The following ZDHHC14 variants were observed in gnomAD, a reference collection of about 807,000 sequenced individuals.
ZDHHC14 encodes zDHHC palmitoyltransferase 14.
Under a neutral mutation model 47.7 loss-of-function variants are expected in ZDHHC14, and 16 were observed. The observed-to-expected ratio is 0.34, with a 90% CI of 0.23 to 0.51. The LOEUF is 0.51. Ranked by LOEUF, ZDHHC14 falls within the 20% of genes least tolerant of loss-of-function variation. The pLI, the probability that ZDHHC14 is intolerant of heterozygous loss-of-function variation, is 0.97. For synonymous variants in ZDHHC14, 293 were observed against 278.9 expected, an observed-to-expected ratio of 1.05 and a Z score of -0.50; for missense variants, 515 against 662.5, an observed-to-expected ratio of 0.78 and a Z score of 2.44.
intron 1 of ZDHHC14, among the ~76,000 whole-genome samples, chr6:157,401,552 C>T (rs190861624): frequency 2.0e-5 from 3 of 150,798 alleles, no homozygotes; most frequent in African/African-American, 2.4e-5. Flanking sequence ...GAGATGCGCT[C>T]CTGCTGAGGT....
rs1777873214 is a variant in ZDHHC14, at chr6:157,411,726, G to A, written c.245+29460G>A. On this transcript the variant is annotated intron_variant, in intron 1 of 8. Transcript: ENST00000359775. ...TTATTTCAAAATAAAATGCTAAAAAGGACTTTCCTTCCTGCATGTTCATGG... is the reference window on the plus strand; with the variant it reads ...TTATTTCAAAATAAAATGCTAAAAAAGACTTTCCTTCCTGCATGTTCATGG... Among the ~76,000 whole-genome samples, 4 of 147,186 alleles carry A rather than the reference G, an allele frequency of 2.7e-5. No individual in the cohort carries two copies. The South Asian group carries it at 8.6e-4, about 32-fold the overall frequency.
At chr6:157,542,453 T>C in intron 1 of ZDHHC14, 132 bp from the exon 2 acceptor site, 1 of 1,295,320 alleles carries the variant, frequency 7.7e-7, no homozygotes, top group Non-Finnish European at 1.0e-6. Flanking sequence ...GATGAATTTT[T>C]AATGGAAATC....
At chr6:157,548,535 C>G (rs1782083203) in intron 2 of ZDHHC14, among the ~76,000 whole-genome samples, 1 of 152,224 alleles carries the variant, frequency 6.6e-6, no homozygotes. Context: ...CAACCTCTGC[C>G]TCCCGGGTTC....
chr6:157,640,450 ACAC>A (rs772402040), intron 5 of ZDHHC14, among the ~76,000 whole-genome samples: 3 of 152,176 alleles, frequency 2.0e-5, no homozygotes, highest in Admixed American at 1.3e-4. Context: ...CACAGAAAGG[ACAC>A]CACAACGGGA....
At chr6:157,573,971 G>A (rs754787795) in intron 2 of ZDHHC14, among the ~76,000 whole-genome samples, 11 of 151,638 alleles carry the variant, frequency 7.3e-5, no homozygotes, top group Admixed American at 7.2e-4. Flanking sequence ...CGGGGGGGAA[G>A]TTCTTTGCTC....
chr6:157,536,240 T>A (rs1235125144), intron 1 of ZDHHC14, among the ~76,000 whole-genome samples: 1 of 152,242 alleles, frequency 6.6e-6, no homozygotes, highest in Non-Finnish European at 1.5e-5. Flanking sequence ...TAATAATAAA[T>A]GTATGCCTCG....
At chr6:157,613,459 AG>A (rs1218375876) in intron 3 of ZDHHC14, among the ~76,000 whole-genome samples, 3 of 152,224 alleles carry the variant, frequency 2.0e-5, no homozygotes, top group Non-Finnish European at 2.9e-5. Flanking sequence ...TAATTAGAGT[AG>A]CTCCTTCTGA....
intron 3 of ZDHHC14, among the ~76,000 whole-genome samples, chr6:157,622,216 C>CAAAAAAA (rs35681787): frequency 4.4e-4 from 41 of 93,880 alleles, no homozygotes; most frequent in African/African-American, 1.1e-3. Context: ...ACTAAAAATA[C>CAAAAAAA]AAAAAAAAAA....
In ZDHHC14 at chr6:157,463,497, C is replaced by T. The variant is rs139542658; in HGVS notation, c.246-79088C>T. Among the ~76,000 whole-genome samples, 305 of 152,230 alleles carry T rather than the reference C, an allele frequency of 2.0e-3. 5 individuals are homozygous for T. The highest frequency in any genetic ancestry group is 6.9e-3 in the African/African-American group (288 of 41,534). ...CATAGCAGTGCTGTGCTCTCTATCACCCCCAACTCTTCACCAGAGGGGTTG... is the reference window on the plus strand; with the variant it reads ...CATAGCAGTGCTGTGCTCTCTATCATCCCCAACTCTTCACCAGAGGGGTTG... On this transcript the variant is annotated intron_variant, in intron 1 of 8. Transcript: ENST00000359775. This position sits in a 1 kb window ranked among gnomAD's most constrained non-coding sequence, Gnocchi z 4.4.
At chr6:157,451,493 A>G (rs1480040189) in intron 1 of ZDHHC14, among the ~76,000 whole-genome samples, 3 of 152,270 alleles carry the variant, frequency 2.0e-5, no homozygotes, top group Admixed American at 1.3e-4. Flanking sequence ...TTATTTATTC[A>G]GTAACCATCC....
intron 1 of ZDHHC14, among the ~76,000 whole-genome samples, chr6:157,530,777 G>T (rs562007704): frequency 1.3e-5 from 2 of 152,070 alleles, no homozygotes; most frequent in Non-Finnish European, 2.9e-5. Context: ...TAGTGAGTTT[G>T]TGGGTGAAAT....
At chr6:157,567,537 C>T (rs1228888151) in intron 2 of ZDHHC14, among the ~76,000 whole-genome samples, 4 of 152,226 alleles carry the variant, frequency 2.6e-5, no homozygotes, top group African/African-American at 2.4e-5. Flanking sequence ...TTGAACCCGC[C>T]GGGCGCCGTG....
At chr6:157,455,682 C>T (rs144849375) in intron 1 of ZDHHC14, among the ~76,000 whole-genome samples, 74 of 151,560 alleles carry the variant, frequency 4.9e-4, no homozygotes, top group Middle Eastern at 3.4e-3. Context: ...CGGCAGGAAC[C>T]GGGCCATTTC....
rs148195327 is a variant in ZDHHC14, at chr6:157,530,888, C to T, written c.246-11697C>T. On this transcript the variant is annotated intron_variant, in intron 1 of 8. Transcript: ENST00000359775. ...TCTAATTCCTTGAGGTTTATGATGA[C>T]GGATATGTTAAAAAAAAAATCTTCA... Among the ~76,000 whole-genome samples, 5 of 150,992 alleles carry T rather than the reference C, an allele frequency of 3.3e-5. No homozygotes were observed. The East Asian group carries it at 5.8e-4, about 17-fold the overall frequency.
At chr6:157,490,736 C>T (rs1382415782) in intron 1 of ZDHHC14, among the ~76,000 whole-genome samples, 1 of 151,840 alleles carries the variant, frequency 6.6e-6, no homozygotes, top group African/African-American at 2.4e-5. Flanking sequence ...GGTGAAGAAG[C>T]GGGGAGGGCA....
intron 1 of ZDHHC14, among the ~76,000 whole-genome samples, chr6:157,477,263 G>A (rs768954596): frequency 9.2e-5 from 14 of 152,076 alleles, no homozygotes; most frequent in Non-Finnish European, 1.6e-4. Flanking sequence ...ACCTGTAATC[G>A]CAGCTACTCG....
intron 2 of ZDHHC14, among the ~76,000 whole-genome samples, chr6:157,563,606 ACTT>A (rs1782794001): frequency 6.6e-6 from 1 of 152,176 alleles, no homozygotes; most frequent in South Asian, 2.1e-4. Context: ...AAAGCTGGTC[ACTT>A]CTTTACATAG....
intron 6 of ZDHHC14, 135 bp from the exon 7 acceptor site, chr6:157,647,124 C>T: frequency 1.6e-6 from 1 of 644,106 alleles, no homozygotes; most frequent in Non-Finnish European, 2.6e-6. Context: ...TGCCCGTTTT[C>T]TTTAAGAAAA....
intron 3 of ZDHHC14, among the ~76,000 whole-genome samples, chr6:157,612,039 AC>A (rs11341822): frequency 0.14 from 21,162 of 151,756 alleles, 1,553 homozygotes; most frequent in Middle Eastern, 0.16. Flanking sequence ...TTCCCCAGTG[AC>A]CCCCCACCTT....
Sources: gnomAD v4.1 joint callset for allele counts (sites outside exome capture counted in the v4.1 genomes callset) on GRCh38, gnomAD v4.1.1 for gene constraint, Gnocchi (gnomAD v3.1) non-coding constraint, MANE v1.5 for transcripts, NCBI Gene and HGNC (gene_info 2026-07-23, HGNC 2026-07-21) for gene names.